Variants in REPS2 observed in about 807,000 individuals in gnomAD.
REPS2 encodes the protein ralBP1-associated Eps domain-containing protein 2.
REPS2 carries 23 observed loss-of-function variants against 53.6 expected under a neutral mutation model. The ratio of observed to expected loss-of-function variants is 0.43; its 90% CI spans 0.31 to 0.61. REPS2 has a LOEUF of 0.61. REPS2 is among the 20% of genes least tolerant of loss of function. The pLI is 0.11. For synonymous variants in REPS2, 238 were observed against 218.6 expected (o/e 1.09, Z -0.78); for missense variants, 446 against 534.9 (o/e 0.83, Z 1.64).
At chrX:17,111,278 TAA>T (rs770964629) in intron 14 of REPS2, among the ~76,000 whole-genome samples, 14 of 112,038 alleles carry the variant, frequency 1.2e-4, no homozygotes, top group Non-Finnish European at 2.1e-4. Flanking sequence ...ATGTAATATA[TAA>T]GTCATTGAAT....
chrX:17,065,776 G>A lies in REPS2; in HGVS notation c.1210-2626G>A, dbSNP rs547296180. Among the ~76,000 whole-genome samples, 32 of 110,907 alleles carry A rather than the reference G, an allele frequency of 2.9e-4. No individual in the cohort carries two copies. In the South Asian group the frequency reaches 0.012, roughly 43 times the overall value. On this transcript the variant is annotated intron_variant, in intron 9 of 17. Coordinates refer to ENST00000357277, the MANE Select transcript of REPS2 (RefSeq NM_004726.3). The stretch of plus-strand genomic sequence containing the variant: ...TAATTTTTCTATTTTTAGTGGAGAC[G>A]GGGTTTCACCATGTTGGCCAGGATG...
intron 1 of REPS2, among the ~76,000 whole-genome samples, chrX:16,977,973 A>C (rs1213301515): frequency 9.0e-6 from 1 of 111,268 alleles, no homozygotes; most frequent in Non-Finnish European, 1.9e-5. Flanking sequence ...GTCTGTGGCC[A>C]GTCTCTCTCC....
intron 1 of REPS2, among the ~76,000 whole-genome samples, chrX:16,953,098 C>G (rs1052285854): frequency 3.8e-5 from 3 of 78,794 alleles, no homozygotes; most frequent in African/African-American, 1.6e-4. Context: ...AACCAAAAAA[C>G]AAACACACAC....
In REPS2 at chrX:16,964,745, C is replaced by T. The variant is rs1410580837; in HGVS notation, c.273+17611C>T. 6.1e-5 allele frequency among the ~76,000 whole-genome samples: 6 copies of T among 98,172 alleles called. No individual in the cohort carries two copies. The Admixed American group carries it at 6.2e-4, about 10-fold the overall frequency. The allele number at this position is 98,172 out of a possible 115,157, so 85.3% of individuals were successfully genotyped here. ...CCCAGTAGGGGCGGCCGGGCAGAGG[C>T]GCCCCTCACCTCCCGGACGGGGCGG... On this transcript the variant is annotated intron_variant, in intron 1 of 17. Transcript: ENST00000357277.
intron 1 of REPS2, among the ~76,000 whole-genome samples, chrX:16,952,416 T>A (rs887724447): frequency 8.9e-6 from 1 of 112,010 alleles, no homozygotes; most frequent in Non-Finnish European, 1.9e-5. Context: ...TAGTTAATTC[T>A]TGGACATTAA....
chrX:16,950,850 G>A (rs910376303), intron 1 of REPS2, among the ~76,000 whole-genome samples: 9 of 112,495 alleles, frequency 8.0e-5, no homozygotes, highest in African/African-American at 2.6e-4. Context: ...AGGACTTTGA[G>A]ATCAGCCTGG....
intron 1 of REPS2, among the ~76,000 whole-genome samples, chrX:16,969,785 AGGGAGAGG>A (rs2060860451): frequency 1.5e-5 from 1 of 66,084 alleles, no homozygotes; most frequent in Admixed American, 1.8e-4. Context: ...AGAGGGAGAG[AGGGAGAGG>A]GAGAGAGGGA....
At chrX:17,060,900 C>T (rs753776481) in intron 8 of REPS2, among the ~76,000 whole-genome samples, 35 of 111,418 alleles carry the variant, frequency 3.1e-4, no homozygotes, top group Admixed American at 1.8e-3. Flanking sequence ...TTGAGGGGCA[C>T]GGGTAGAAAC....
chrX:16,969,461 C>T (rs1157579448), intron 1 of REPS2, among the ~76,000 whole-genome samples: 55 of 83,733 alleles, frequency 6.6e-4, no homozygotes, highest in African/African-American at 1.2e-3. Flanking sequence ...AACGAGACTC[C>T]GTCTGCAATC....
chrX:17,089,043 AG>A (rs1334147321), intron 13 of REPS2, among the ~76,000 whole-genome samples: 1 of 111,765 alleles, frequency 8.9e-6, no homozygotes, highest in African/African-American at 3.3e-5. Context: ...GATGTATTAA[AG>A]AATGAATATG....
At chrX:16,987,317 A>G (rs972100907) in intron 1 of REPS2, among the ~76,000 whole-genome samples, 7 of 110,934 alleles carry the variant, frequency 6.3e-5, no homozygotes, top group Non-Finnish European at 1.3e-4. Flanking sequence ...GAGTGACTCT[A>G]CTTTGATTTG....
At chrX:16,968,477 C>A (rs1304257772) in intron 1 of REPS2, among the ~76,000 whole-genome samples, 4 of 105,628 alleles carry the variant, frequency 3.8e-5, no homozygotes, top group Non-Finnish European at 7.9e-5. Flanking sequence ...GGGGCTGACA[C>A]CCCCACCTCC....
At chrX:17,011,979 C>T (rs1301333198) in intron 2 of REPS2, among the ~76,000 whole-genome samples, 2 of 103,349 alleles carry the variant, frequency 1.9e-5, no homozygotes, top group African/African-American at 7.0e-5. Context: ...AAAAAAAAAA[C>T]CAACCCCCAA....
At position 17,025,156 on chromosome X, in the gene REPS2, T is replaced by C; in HGVS notation, c.644T>C (p.Leu215Pro). ...CCCTTGAGCCATGGCTACAGCAAAC[T>C]GCGGAGCAGCGCAGAACAGATGCAT... ...RVPLSHGYSK[L>P]RSSAEQMHPA... The change falls in exon 4 of 18, where the codon CTG becomes CCG. Residue 215 changes from leucine to proline, a missense_variant. Transcript: ENST00000357277. 1.7e-6 allele frequency: 2 copies of C among 1,211,719 alleles called. No homozygotes were observed. The highest frequency in any genetic ancestry group is 2.2e-6 in the Non-Finnish European group (2 of 895,468).
chrX:17,072,614 T>C (rs779083883), intron 11 of REPS2, among the ~76,000 whole-genome samples: 3 of 112,637 alleles, frequency 2.7e-5, no homozygotes, highest in African/African-American at 9.7e-5. Context: ...CAGTATTTTA[T>C]CATGGCGGGG....
intron 9 of REPS2, among the ~76,000 whole-genome samples, chrX:17,065,125 G>A (rs1482004794): frequency 1.8e-5 from 2 of 111,961 alleles, no homozygotes; most frequent in African/African-American, 6.5e-5. Flanking sequence ...TGTGTTTTCG[G>A]TTCTCTCGAG....
chrX:17,051,165 C>G (rs185017448), intron 6 of REPS2, among the ~76,000 whole-genome samples: 1 of 111,316 alleles, frequency 9.0e-6, no homozygotes, highest in Admixed American at 9.6e-5. Flanking sequence ...CCAGTTCCAT[C>G]CATGTTGTTG....
At chrX:16,959,832 C>A (rs1418226560) in intron 1 of REPS2, among the ~76,000 whole-genome samples, 1 of 111,424 alleles carries the variant, frequency 9.0e-6, no homozygotes, top group Non-Finnish European at 1.9e-5. Context: ...AGGCCAGCAT[C>A]ACCCTGATTT....
chrX:16,980,916 A>G (rs2061012957), intron 1 of REPS2, among the ~76,000 whole-genome samples: 1 of 112,082 alleles, frequency 8.9e-6, no homozygotes, highest in Non-Finnish European at 1.9e-5. Flanking sequence ...TTCACAGAAA[A>G]TCTAAACTTA....
Sources: gnomAD v4.1 joint callset for allele counts (sites outside exome capture counted in the v4.1 genomes callset) on GRCh38, gnomAD v4.1.1 for gene constraint, MANE v1.5 for transcripts, NCBI Gene and HGNC (gene_info 2026-07-23, HGNC 2026-07-21) for gene names.